TLL1: variants seen among roughly 807,000 people sequenced by gnomAD.
The protein encoded by TLL1 is tolloid-like protein 1.
Under a neutral mutation model 128.2 loss-of-function variants are expected in TLL1, and 49 were observed. That is an observed-to-expected ratio of 0.38 (90% CI 0.30 to 0.48). The LOEUF is 0.48. Ranked by LOEUF, TLL1 falls within the 20% of genes least tolerant of loss-of-function variation. The pLI is 0.96. For missense variants in TLL1, 1,123 were observed against 1,242.0 expected (o/e 0.90, Z 1.44); for synonymous variants, 454 against 418.8 (o/e 1.08, Z -1.03).
At chr4:165,964,694 G>GC (rs1735283152) in intron 1 of TLL1, among the ~76,000 whole-genome samples, 2 of 152,160 alleles carry the variant, frequency 1.3e-5, no homozygotes, top group African/African-American at 4.8e-5. Flanking sequence ...TGGCTGAGGT[G>GC]CGAGGCTAGC....
chr4:166,040,108 T>C (rs1739178668), intron 10 of TLL1, among the ~76,000 whole-genome samples: 1 of 152,196 alleles, frequency 6.6e-6, no homozygotes, highest in Admixed American at 6.5e-5. Context: ...GTGAGAGCTG[T>C]TTGGAGCATG....
At chr4:165,961,342 CCTT>C (rs142531579) in intron 1 of TLL1, among the ~76,000 whole-genome samples, 2,387 of 152,168 alleles carry the variant, frequency 0.016, 47 homozygotes, top group African/African-American at 0.054. Context: ...AATGGAAAAA[CCTT>C]CTGTGCTCAT....
At chr4:166,016,863 A>G (rs1232190766) in intron 8 of TLL1, among the ~76,000 whole-genome samples, 1 of 151,912 alleles carries the variant, frequency 6.6e-6, no homozygotes, top group Non-Finnish European at 1.5e-5. Context: ...CTCTCTGTAT[A>G]TATATCTTTT....
intron 1 of TLL1, among the ~76,000 whole-genome samples, chr4:165,924,111 C>T (rs1380086539): frequency 6.6e-6 from 1 of 152,124 alleles, no homozygotes; most frequent in Non-Finnish European, 1.5e-5. Context: ...TGAGACACAA[C>T]AGTATTGAAA....
Position 165,956,669 on chromosome 4 carries a change from T to C in TLL1, c.170-32712T>C, listed in dbSNP as rs183194420. 1.4e-3 allele frequency among the ~76,000 whole-genome samples: 220 copies of C among 152,202 alleles called. 2 individuals are homozygous for C. The highest frequency in any genetic ancestry group is 5.2e-3 in the African/African-American group (215 of 41,544). Reference sequence around the variant, plus strand: ...GTTCAAACACACGTTTTACAATCAATTTGTACAGTTAACACAATTATCACA... The same window carrying C: ...GTTCAAACACACGTTTTACAATCAACTTGTACAGTTAACACAATTATCACA... On this transcript the variant is annotated intron_variant, in intron 1 of 20. Transcript: ENST00000061240.
At chr4:165,989,540 A>G (rs111597924) in intron 2 of TLL1, 49 bp downstream of exon 2, 16 of 1,307,928 alleles carry the variant, frequency 1.2e-5, no homozygotes, top group African/African-American at 1.0e-4. Flanking sequence ...GAGAAAATAT[A>G]CTCTTGAAGT....
At chr4:165,911,902 G>A (rs1347348253) in intron 1 of TLL1, among the ~76,000 whole-genome samples, 2 of 152,094 alleles carry the variant, frequency 1.3e-5, no homozygotes, top group African/African-American at 4.8e-5. Context: ...TTGAGACAGA[G>A]TCTCGCTCTG....
At chr4:166,013,732 T>C (rs758059517) in intron 7 of TLL1, among the ~76,000 whole-genome samples, 2 of 151,742 alleles carry the variant, frequency 1.3e-5, no homozygotes, top group Non-Finnish European at 2.9e-5. Flanking sequence ...ATCATGCATA[T>C]TAGGAAAAAT....
chr4:165,961,002 G>T (rs1443854315), intron 1 of TLL1, among the ~76,000 whole-genome samples: 1 of 152,008 alleles, frequency 6.6e-6, no homozygotes, highest in South Asian at 2.1e-4. Context: ...GAAATAACAG[G>T]CATCTAAGTA....
chr4:165,984,667 G>C (rs139723221), intron 1 of TLL1, among the ~76,000 whole-genome samples: 1 of 151,888 alleles, frequency 6.6e-6, no homozygotes, highest in East Asian at 1.9e-4. Context: ...GAATCTTTGA[G>C]CTATCTCTTC....
intron 1 of TLL1, among the ~76,000 whole-genome samples, chr4:165,965,838 C>G (rs1447061383): frequency 6.6e-6 from 1 of 152,102 alleles, no homozygotes; most frequent in Non-Finnish European, 1.5e-5. Flanking sequence ...TAGAGCACAT[C>G]ATAGTATTAA....
At chr4:165,923,311 A>G (rs934661892) in intron 1 of TLL1, among the ~76,000 whole-genome samples, 2 of 151,582 alleles carry the variant, frequency 1.3e-5, no homozygotes, top group Non-Finnish European at 2.9e-5. Context: ...TCAACATTTT[A>G]TCTGTCAAAT....
At position 166,100,480 on chromosome 4, in the gene TLL1, C is replaced by T. The variant is rs527762234; in HGVS notation, c.2908-262C>T. On this transcript the variant is annotated intron_variant, in intron 20 of 20. Coordinates refer to ENST00000061240, the MANE Select transcript of TLL1 (RefSeq NM_012464.5). ...ACTCAAGTTCTAGAGAGAAAAGTGC[C>T]CAGAACTTAGAAAATGTAACGTATG... is the stretch of plus-strand genomic sequence containing the variant. Among the ~76,000 whole-genome samples the T allele has an allele frequency of 2.6e-5, 4 of 152,078 alleles. No homozygotes were observed. In the South Asian group the frequency reaches 6.2e-4, roughly 24 times the overall value.
intron 1 of TLL1, among the ~76,000 whole-genome samples, chr4:165,955,829 G>A (rs1055212490): frequency 6.6e-6 from 1 of 152,060 alleles, no homozygotes; most frequent in African/African-American, 2.4e-5. Context: ...TGATTATCAG[G>A]GTAACCTGCC....
chr4:166,030,282 G>A (rs1037475552), intron 9 of TLL1, among the ~76,000 whole-genome samples: 1 of 151,984 alleles, frequency 6.6e-6, no homozygotes, highest in Non-Finnish European at 1.5e-5. Context: ...CTTTTTGTAT[G>A]CTTAATAGCC....
chr4:166,077,914 C>G lies in TLL1; in HGVS notation c.2326C>G (p.Gln776Glu). 6.2e-7 allele frequency: 1 copy of G among 1,613,498 alleles called. No individual in the cohort carries two copies. Residue 776 changes from glutamine (Q) to glutamate (E), a missense_variant, in exon 18 of 21, where the codon CAG (glutamine) becomes GAG (glutamate). Physicochemically the swap from Gln to Glu is conservative, Grantham distance 29. Coordinates refer to ENST00000061240, the MANE Select transcript of TLL1 (RefSeq NM_012464.5). Reference protein sequence around the residue: ...KHDCKEAECEQKIHSPSGLIT... With the variant: ...KHDCKEAECEEKIHSPSGLIT... ...GGTTATTGGTGCAGCTGAGTGTGAA[C>G]AGAAGATCCACAGTCCAAGTGGCCT...
intron 7 of TLL1, among the ~76,000 whole-genome samples, chr4:166,012,694 A>G (rs78798929): frequency 0.015 from 2,325 of 151,756 alleles, 67 homozygotes; most frequent in African/African-American, 0.051. Context: ...TTTCAATTAC[A>G]CTGGCCTGCC....
At chr4:165,999,553 G>C (rs1250976932) in intron 5 of TLL1, among the ~76,000 whole-genome samples, 1 of 151,908 alleles carries the variant, frequency 6.6e-6, no homozygotes, top group Non-Finnish European at 1.5e-5. Context: ...TCGGTCCCTC[G>C]ACATGTGGGG....
rs1344071783 is a variant in TLL1 at position 166,103,857 on chromosome 4, C to G, written c.*2981C>G. The G allele has an allele frequency of 6.2e-5, 9 of 146,026 alleles. No homozygotes were observed. The allele number at this position is 146,026 out of a possible 1,614,324, so 9.0% of individuals were successfully genotyped here. A position where few individuals can be genotyped will look rare whatever the true frequency, so the allele number is the denominator to read the frequency against. Reference sequence around the variant, plus strand: ...CTATACATAGAAAAAAAAAAAAACACTGTTCTCACTTGATTTTATTAAATT... The same window carrying G: ...CTATACATAGAAAAAAAAAAAAACAGTGTTCTCACTTGATTTTATTAAATT... On this transcript the variant is annotated 3_prime_UTR_variant, in exon 21 of 21. Coordinates refer to ENST00000061240, the MANE Select transcript of TLL1 (RefSeq NM_012464.5).
Sources: allele counts gnomAD v4.1 joint callset (sites outside exome capture counted in the v4.1 genomes callset), GRCh38; gene constraint gnomAD v4.1.1; transcripts MANE v1.5; gene names NCBI Gene and HGNC (gene_info 2026-07-23, HGNC 2026-07-21).